The following RASA2 variants were observed in gnomAD, a reference collection of about 807,000 sequenced individuals.
RASA2 encodes the protein ras GTPase-activating protein 2.
RASA2 carries 155 observed loss-of-function variants against 118.2 expected under a neutral mutation model. The observed-to-expected ratio is 1.31, with a 90% CI of 1.15 to 1.50. The LOEUF (loss-of-function observed/expected upper bound fraction) is 1.50, where lower values mean the gene tolerates loss of function less well. Ranked by LOEUF, RASA2 falls within the 40% of genes most tolerant of loss-of-function variation. The pLI, the probability that RASA2 is intolerant of heterozygous loss-of-function variation, is 0.00. For synonymous variants in RASA2, 353 were observed against 349.1 expected, an observed-to-expected ratio of 1.01 and a Z score of -0.12; for missense variants, 1,016 against 1,009.6, an observed-to-expected ratio of 1.01 and a Z score of -0.09.
intron 23 of RASA2, among the ~76,000 whole-genome samples, chr3:141,610,754 T>A (rs2083638468): frequency 6.6e-6 from 1 of 151,940 alleles, no homozygotes; most frequent in South Asian, 2.1e-4. Flanking sequence ...TCTCTCAAAG[T>A]GCTGAGGTTA....
rs780881237 is a variant in RASA2 at position 141,571,006 on chromosome 3, G to A, written c.958G>A (p.Val320Met). The change falls in exon 10 of 24, where the codon GTG becomes ATG. Residue 320 changes from valine to methionine, a missense_variant. Around this residue, in one of 2 missense-constraint regions of RASA2, gnomAD observed 896 missense variants for 836.4 expected, o/e 1.07. Transcript: ENST00000286364. ...RLNICYTEDY[V>M]LPSEYYGPLK... Reference sequence around the variant, plus strand: ...AAATATATGTTATACAGAAGACTACGTGCTTCCTTCAGAGTACTATGGTCC... The same window carrying A: ...AAATATATGTTATACAGAAGACTACATGCTTCCTTCAGAGTACTATGGTCC... 1.1e-5 allele frequency: 18 copies of A among 1,612,216 alleles called. No homozygotes were observed. Among genetic ancestry groups the A allele is most frequent in the African/African-American group, 6.7e-5 (5 of 74,794 alleles).
intron 4 of RASA2, among the ~76,000 whole-genome samples, chr3:141,535,029 C>A: frequency 6.6e-6 from 1 of 152,248 alleles, no homozygotes; most frequent in African/African-American, 2.4e-5. Flanking sequence ...TTGTACTTCA[C>A]TGTGTCGTGC....
chr3:141,555,515 TA>T (rs1008726219), intron 6 of RASA2, among the ~76,000 whole-genome samples: 15 of 152,204 alleles, frequency 9.9e-5, no homozygotes, highest in African/African-American at 3.6e-4. Context: ...GAAGGTGCTC[TA>T]AATCTTATTG....
At chr3:141,601,255 C>T (rs1159233839) in intron 19 of RASA2, among the ~76,000 whole-genome samples, 4 of 151,976 alleles carry the variant, frequency 2.6e-5, no homozygotes, top group African/African-American at 4.8e-5. Context: ...GGTGAAACCC[C>T]GTTTGTATTA....
In RASA2 at chr3:141,612,326, T is replaced by C. The variant is rs2083665495; in HGVS notation, c.*13T>C. 6.4e-7 allele frequency: 1 copy of C among 1,574,536 alleles called. No individual in the cohort carries two copies. Among genetic ancestry groups the C allele is most frequent in the African/African-American group, 1.4e-5 (1 of 73,508 alleles). ...GAAAGCATCTTAGAGTTTAACAGAT[T>C]GGTTCAGAAGAACTGGAAAATATTA... On this transcript the variant is annotated 3_prime_UTR_variant, in exon 24 of 24. Coordinates refer to ENST00000286364, the MANE Select transcript of RASA2 (RefSeq NM_006506.5).
At chr3:141,546,482 T>G (rs1247051152) in intron 5 of RASA2, among the ~76,000 whole-genome samples, 1 of 152,244 alleles carries the variant, frequency 6.6e-6, no homozygotes, top group Admixed American at 6.5e-5. Context: ...GCCATTTGTA[T>G]GTCTTCTTTT....
intron 5 of RASA2, among the ~76,000 whole-genome samples, 174 bp from the exon 6 acceptor site, chr3:141,553,683 C>T (rs1026069950): frequency 4.6e-5 from 7 of 152,172 alleles, no homozygotes; most frequent in African/African-American, 1.4e-4. Flanking sequence ...TGCATACATA[C>T]ATATGTCCAT....
At chr3:141,499,890 A>G (rs931440216) in intron 1 of RASA2, among the ~76,000 whole-genome samples, 2 of 152,118 alleles carry the variant, frequency 1.3e-5, no homozygotes, top group Non-Finnish European at 2.9e-5. Context: ...TGCCTGGCCA[A>G]TGTGTTGTTT....
At chr3:141,565,913 T>C (rs1436817310) in intron 9 of RASA2, among the ~76,000 whole-genome samples, 4 of 152,244 alleles carry the variant, frequency 2.6e-5, no homozygotes, top group Non-Finnish European at 5.9e-5. Flanking sequence ...TTTTGTGGGA[T>C]AGTGATGTAA....
At chr3:141,509,087 T>G (rs2081911728) in intron 1 of RASA2, among the ~76,000 whole-genome samples, 1 of 152,248 alleles carries the variant, frequency 6.6e-6, no homozygotes, top group Non-Finnish European at 1.5e-5. Context: ...TAATCACTAC[T>G]ATAGTTTGGA....
chr3:141,522,780 C>T (rs1330228583), intron 3 of RASA2, among the ~76,000 whole-genome samples: 1 of 152,152 alleles, frequency 6.6e-6, no homozygotes, highest in African/African-American at 2.4e-5. Flanking sequence ...CCCATTCTTG[C>T]AGGAAACTCT....
chr3:141,607,917 T>C lies in RASA2; in HGVS notation c.2016+157T>C, dbSNP rs3755767. 0.036 allele frequency among the ~76,000 whole-genome samples: 5,430 copies of C among 152,282 alleles called. 339 individuals are homozygous for C. Among genetic ancestry groups the C allele is most frequent in the African/African-American group, 0.12 (4,924 of 41,540 alleles). On this transcript the variant is annotated intron_variant, in intron 20 of 23. Coordinates refer to ENST00000286364, the MANE Select transcript of RASA2 (RefSeq NM_006506.5). Reference sequence around the variant, plus strand: ...AGAAGTTGTTTATTGGATTGTTTACTATTAATCATTAATAGTTCATAAATA... The same window carrying C: ...AGAAGTTGTTTATTGGATTGTTTACCATTAATCATTAATAGTTCATAAATA...
intron 4 of RASA2, among the ~76,000 whole-genome samples, chr3:141,539,032 A>G (rs2082368307): frequency 6.6e-6 from 1 of 152,188 alleles, no homozygotes; most frequent in African/African-American, 2.4e-5. Flanking sequence ...AAATTGTAAA[A>G]CTGCAAATTT....
At chr3:141,576,613 C>T (rs1168927724) in intron 14 of RASA2, among the ~76,000 whole-genome samples, 1 of 152,144 alleles carries the variant, frequency 6.6e-6, no homozygotes, top group African/African-American at 2.4e-5. Flanking sequence ...GAAACAAGAA[C>T]CTAAAACTGA....
intron 9 of RASA2, among the ~76,000 whole-genome samples, chr3:141,561,813 G>C (rs773434410): frequency 6.6e-6 from 1 of 152,176 alleles, no homozygotes; most frequent in Non-Finnish European, 1.5e-5. Flanking sequence ...TCAAATAATA[G>C]ATAAAATGAA....
At chr3:141,510,251 T>G (rs2081931057) in intron 1 of RASA2, among the ~76,000 whole-genome samples, 1 of 152,104 alleles carries the variant, frequency 6.6e-6, no homozygotes, top group Non-Finnish European at 1.5e-5. Context: ...GGAATATTGG[T>G]TTTATGGTTC....
chr3:141,513,056 T>C (rs2081974217), intron 2 of RASA2, among the ~76,000 whole-genome samples: 1 of 139,586 alleles, frequency 7.2e-6, no homozygotes, highest in Non-Finnish European at 1.5e-5. Flanking sequence ...AGAGTGAAAC[T>C]CCATCTCAGA....
rs1437780813 is a variant in RASA2 at position 141,613,096 on chromosome 3, T to C, written c.*783T>C. ...TAACATGACTTCTAAGGACATCTCT[T>C]CAAAAAGAAAGTAAACAGGGAATGA... is the stretch of plus-strand genomic sequence containing the variant. On this transcript the variant is annotated 3_prime_UTR_variant, in exon 24 of 24. Transcript: ENST00000286364. 1 of 152,178 alleles carries C rather than the reference T, an allele frequency of 6.6e-6. No homozygotes were observed. Among genetic ancestry groups the C allele is most frequent in the African/African-American group, 2.4e-5 (1 of 41,452 alleles). 9.4% of individuals were successfully genotyped at this position (152,178 alleles called of 1,614,324 possible).
At chr3:141,521,934 TTTC>T (rs933717843) in intron 3 of RASA2, among the ~76,000 whole-genome samples, 1 of 138,700 alleles carries the variant, frequency 7.2e-6, no homozygotes, top group African/African-American at 2.5e-5. Flanking sequence ...GAAGTTGAGT[TTTC>T]TTAATTTATA....
Sources: allele counts gnomAD v4.1 joint callset (sites outside exome capture counted in the v4.1 genomes callset), GRCh38; gene constraint gnomAD v4.1.1; regional missense constraint gnomAD v4.1.1; transcripts MANE v1.5; gene names NCBI Gene and HGNC (gene_info 2026-07-23, HGNC 2026-07-21).